Variants in SDCCAG8 observed in about 807,000 individuals in gnomAD.
The protein encoded by SDCCAG8 is serologically defined colon cancer antigen 8.
A neutral mutation model predicts 101.8 loss-of-function variants in SDCCAG8; 74 were observed. That is an observed-to-expected ratio of 0.73 (90% CI 0.60 to 0.88). The LOEUF is 0.88. Among genes scored for constraint, SDCCAG8 ranks in the 40% least tolerant of loss-of-function variants. The pLI is 0.00. For missense variants in SDCCAG8, 787 were observed against 822.6 expected, an observed-to-expected ratio of 0.96 and a Z score of 0.53; for synonymous variants, 281 against 292.9, an observed-to-expected ratio of 0.96 and a Z score of 0.41.
chr1:243,427,193 T>C (rs1402344067), intron 16 of SDCCAG8, among the ~76,000 whole-genome samples: 3 of 152,240 alleles, frequency 2.0e-5, no homozygotes, highest in Non-Finnish European at 4.4e-5. Flanking sequence ...ATTATTATTC[T>C]CTTTTTCTAG....
intron 17 of SDCCAG8, 35 bp downstream of exon 17, chr1:243,489,175 T>A (rs1665758052): frequency 4.4e-6 from 7 of 1,607,202 alleles, no homozygotes; most frequent in Non-Finnish European, 5.9e-6. Flanking sequence ...TGGGAGTCCT[T>A]GGGCGGGCGT....
At chr1:243,333,814 A>G (rs1236714692) in intron 10 of SDCCAG8, among the ~76,000 whole-genome samples, 1 of 152,220 alleles carries the variant, frequency 6.6e-6, no homozygotes, top group Non-Finnish European at 1.5e-5. Flanking sequence ...CTTTGAGACA[A>G]TAAAGGAGAC....
chr1:243,459,753 T>C (rs1200984395), intron 16 of SDCCAG8, among the ~76,000 whole-genome samples: 3 of 152,154 alleles, frequency 2.0e-5, no homozygotes, highest in Non-Finnish European at 4.4e-5. Context: ...ACTACAGGCG[T>C]ACCAACACCC....
At chr1:243,414,441 G>T (rs934469059) in intron 13 of SDCCAG8, among the ~76,000 whole-genome samples, 1 of 152,150 alleles carries the variant, frequency 6.6e-6, no homozygotes, top group East Asian at 1.9e-4. Context: ...GGGAGGTGTT[G>T]TTATTAGAAG....
chr1:243,343,446 A>G (rs1009651366), intron 11 of SDCCAG8, among the ~76,000 whole-genome samples: 1 of 152,260 alleles, frequency 6.6e-6, no homozygotes, highest in African/African-American at 2.4e-5. Flanking sequence ...GATTCGAAAA[A>G]ATAAATAAAA....
At chr1:243,423,078 C>G (rs190914272) in intron 15 of SDCCAG8, among the ~76,000 whole-genome samples, 89 of 151,820 alleles carry the variant, frequency 5.9e-4, no homozygotes, top group Admixed American at 1.5e-3. Flanking sequence ...GATGTGCAGG[C>G]ATATATGTCA....
At chr1:243,305,351 T>C (rs2071988841) in intron 7 of SDCCAG8, 1 of 151,738 alleles carries the variant, frequency 6.6e-6, no homozygotes, top group African/African-American at 2.4e-5. Context: ...ACTGCTCTTA[T>C]AGAAATTATG....
chr1:243,311,613 G>A (rs1172515345), intron 8 of SDCCAG8, among the ~76,000 whole-genome samples: 1 of 151,940 alleles, frequency 6.6e-6, no homozygotes, highest in East Asian at 1.9e-4. Context: ...TTAAAACTAG[G>A]TAGTCTAGCA....
chr1:243,308,240 C>T lies in SDCCAG8; in HGVS notation c.929+63C>T, dbSNP rs1216113859. On this transcript the variant is annotated intron_variant, in intron 8 of 17. Coordinates refer to ENST00000366541, the MANE Select transcript of SDCCAG8 (RefSeq NM_006642.5). Reference sequence around the variant, plus strand: ...ATGGAAAATTCTGCCTTTAAAGGGGCATTGTGTTCTTCTAGCCCTATGCTA... The same window carrying T: ...ATGGAAAATTCTGCCTTTAAAGGGGTATTGTGTTCTTCTAGCCCTATGCTA... 40 of 1,499,898 alleles carry T rather than the reference C, an allele frequency of 2.7e-5. No homozygotes were observed. The East Asian group carries it at 8.6e-4, about 32-fold the overall frequency. The allele number at this position is 1,499,898 out of a possible 1,614,324, so 92.9% of individuals were successfully genotyped here.
chr1:243,339,251 G>A (rs534920774), intron 10 of SDCCAG8, among the ~76,000 whole-genome samples: 3 of 152,128 alleles, frequency 2.0e-5, no homozygotes, highest in East Asian at 3.9e-4. Flanking sequence ...AATAAATGTC[G>A]GTATATTTAC....
chr1:243,411,834 C>T (rs920427209), intron 13 of SDCCAG8, among the ~76,000 whole-genome samples: 1 of 152,174 alleles, frequency 6.6e-6, no homozygotes, highest in Non-Finnish European at 1.5e-5. Flanking sequence ...ACAGTTGATG[C>T]ACGTTTAAGT....
intron 4 of SDCCAG8, among the ~76,000 whole-genome samples, chr1:243,277,252 A>G (rs2068653153): frequency 6.6e-6 from 1 of 152,234 alleles, no homozygotes; most frequent in African/African-American, 2.4e-5. Context: ...TTGTACCGTT[A>G]TGCATTATGC....
At position 243,378,821 on chromosome 1, in the gene SDCCAG8, C is replaced by A. The variant is rs999154575; in HGVS notation, c.1574C>A (p.Thr525Lys). 16 of 1,613,952 alleles carry A rather than the reference C, an allele frequency of 9.9e-6. No homozygotes were observed. Among genetic ancestry groups the A allele is most frequent in the Non-Finnish European group, 1.4e-5 (16 of 1,179,976 alleles). Residue 525 changes from threonine to lysine, a missense_variant, in exon 13 of 18, where the codon ACA becomes AAA. Thr to Lys is a moderately conservative substitution (Grantham distance 78). Coordinates refer to ENST00000366541, the MANE Select transcript of SDCCAG8 (RefSeq NM_006642.5). ...GCCAGAGAGGAGTGCCTGAGACTAA[C>A]AGAACTGCTGGGCGAATCTGAGCAC... ...ALAREECLRL[T>K]ELLGESEHQL...
chr1:243,288,147 AC>A (rs1322185396), intron 5 of SDCCAG8, among the ~76,000 whole-genome samples: 2 of 152,046 alleles, frequency 1.3e-5, no homozygotes, highest in Non-Finnish European at 2.9e-5. Context: ...TGTTACCCCC[AC>A]GTTTTACCTG....
Position 243,256,130 on chromosome 1 carries a change from A to T in SDCCAG8, c.-44A>T, listed in dbSNP as rs376221876. Reference sequence around the variant, plus strand: ...TTGTTCTCGGAAGGGAGAAAGCTGGACATTTCCCCACGTAACTCCCAGCTC... The same window carrying T: ...TTGTTCTCGGAAGGGAGAAAGCTGGTCATTTCCCCACGTAACTCCCAGCTC... On this transcript the variant is annotated 5_prime_UTR_variant, in exon 1 of 18. Coordinates refer to ENST00000366541, the MANE Select transcript of SDCCAG8 (RefSeq NM_006642.5). The T allele has an allele frequency of 2.6e-6, 4 of 1,566,376 alleles. No homozygotes were observed. The highest frequency in any genetic ancestry group is 3.5e-6 in the Non-Finnish European group (4 of 1,136,502).
chr1:243,421,332 G>A (rs1385308399), intron 15 of SDCCAG8, among the ~76,000 whole-genome samples: 1 of 152,192 alleles, frequency 6.6e-6, no homozygotes, highest in Non-Finnish European at 1.5e-5. Context: ...CATGCAGAAT[G>A]ACGGGAAAGC....
At chr1:243,429,981 G>A (rs962546190) in intron 16 of SDCCAG8, among the ~76,000 whole-genome samples, 1 of 152,026 alleles carries the variant, frequency 6.6e-6, no homozygotes, top group African/African-American at 2.4e-5. Flanking sequence ...ACAGGCATGA[G>A]CCACCATGCC....
At chr1:243,468,000 C>T (rs542124837) in intron 16 of SDCCAG8, among the ~76,000 whole-genome samples, 3 of 152,136 alleles carry the variant, frequency 2.0e-5, no homozygotes, top group Non-Finnish European at 2.9e-5. Context: ...AGTAGCTCTA[C>T]GTGAGTTCCA....
intron 6 of SDCCAG8, among the ~76,000 whole-genome samples, chr1:243,301,627 G>T (rs141905181): frequency 3.9e-5 from 6 of 152,134 alleles, no homozygotes; most frequent in African/African-American, 1.4e-4. Context: ...CATCACTGCA[G>T]CCGTGCCAAC....
Sources: gnomAD v4.1 joint callset for allele counts (sites outside exome capture counted in the v4.1 genomes callset) on GRCh38, gnomAD v4.1.1 for gene constraint, MANE v1.5 for transcripts, NCBI Gene and HGNC (gene_info 2026-07-23, HGNC 2026-07-21) for gene names.